RAB35: variants seen among roughly 807,000 people sequenced by gnomAD.
RAB35 encodes RAB35, member RAS oncogene family, also known as ras-related protein Rab-35.
Under a neutral mutation model 28.9 loss-of-function variants are expected in RAB35, and 4 were observed. That is an observed-to-expected ratio of 0.14 (90% CI 0.07 to 0.32). The LOEUF is 0.32. RAB35 is among the 10% of genes least tolerant of loss of function. The pLI is 1.00. For missense variants in RAB35, 128 were observed against 274.0 expected, an observed-to-expected ratio of 0.47 and a Z score of 3.76; for synonymous variants, 99 against 105.1, an observed-to-expected ratio of 0.94 and a Z score of 0.35.
chr12:120,108,853 A>G, intron 1 of RAB35: 3 of 378,488 alleles, frequency 7.9e-6, no homozygotes, highest in South Asian at 6.2e-5. Flanking sequence ...AAAAGTGCAC[A>G]GCACGTTGTA....
intron 1 of RAB35, among the ~76,000 whole-genome samples, chr12:120,113,797 G>A (rs534402884): frequency 2.0e-5 from 3 of 147,590 alleles, no homozygotes; most frequent in East Asian, 2.1e-4. Flanking sequence ...CAGCCTGGGC[G>A]ACAGAGCGAG....
intron 3 of RAB35, among the ~76,000 whole-genome samples, chr12:120,101,546 C>T (rs1246098018): frequency 1.3e-5 from 2 of 152,246 alleles, no homozygotes; most frequent in Non-Finnish European, 2.9e-5. Flanking sequence ...AAAAAAGTCA[C>T]GCTACTGCAT....
In RAB35 at chr12:120,095,489, A is replaced by AGGAGCCCCAGGCACC. The variant is rs1875339674; in HGVS notation, c.*1741_*1755dup. ...CAGCATGCCCCCCGCCCACCGGCACAGGAGCCCCAGGCACCGTGCATCCTC... is the reference window on the plus strand; with the variant it reads ...CAGCATGCCCCCCGCCCACCGGCACAGGAGCCCCAGGCACCGGAGCCCCAGGCACCGTGCATCCTC... On this transcript the variant is annotated 3_prime_UTR_variant, in exon 6 of 6. Transcript: ENST00000229340. The AGGAGCCCCAGGCACC allele has an allele frequency of 1.3e-5, 2 of 149,588 alleles. No homozygotes were observed. Among genetic ancestry groups the AGGAGCCCCAGGCACC allele is most frequent in the Admixed American group, 1.3e-4 (2 of 14,960 alleles). The allele number at this position is 149,588 out of a possible 1,614,324, so 9.3% of individuals were successfully genotyped here. A position where few individuals can be genotyped will look rare whatever the true frequency, so the allele number is the denominator to read the frequency against.
At position 120,097,086 on chromosome 12, in the gene RAB35, G is replaced by A. The variant is rs776182178; in HGVS notation, c.*159C>T. ...CCAACACCTTCTTGGCACTCGAGGA[G>A]GGCGGGGGAGGAAGTGCCGATGGCA... On this transcript the variant is annotated 3_prime_UTR_variant, in exon 6 of 6. Transcript: ENST00000229340. The A allele has an allele frequency of 2.6e-6, 4 of 1,564,148 alleles. No homozygotes were observed. Among genetic ancestry groups the A allele is most frequent in the South Asian group, 2.3e-5 (2 of 86,948 alleles).
chr12:120,114,125 T>C (rs1338726998), intron 1 of RAB35, among the ~76,000 whole-genome samples: 1 of 152,140 alleles, frequency 6.6e-6, no homozygotes, highest in African/African-American at 2.4e-5. Flanking sequence ...CGGAGTTTCA[T>C]TCTTGTCGCC....
Position 120,096,792 on chromosome 12 carries a change from T to C in RAB35, c.*453A>G. 2 of 1,291,056 alleles carry C rather than the reference T, an allele frequency of 1.5e-6. No individual in the cohort carries two copies. Among genetic ancestry groups the C allele is most frequent in the South Asian group, 1.2e-5 (1 of 81,052 alleles). 80.0% of individuals were successfully genotyped at this position (1,291,056 alleles called of 1,614,324 possible). A position where few individuals can be genotyped will look rare whatever the true frequency, so the allele number is the denominator to read the frequency against. On this transcript the variant is annotated 3_prime_UTR_variant, in exon 6 of 6. Coordinates refer to ENST00000229340, the MANE Select transcript of RAB35 (RefSeq NM_006861.7). Reference sequence around the variant, plus strand: ...CGGAGCCCACTCCACTGGCACGGGCTGGCCGCAGACGCAGCTAGAACGTGC... The same window carrying C: ...CGGAGCCCACTCCACTGGCACGGGCCGGCCGCAGACGCAGCTAGAACGTGC...
chr12:120,106,347 T>G (rs1450348058), intron 2 of RAB35, among the ~76,000 whole-genome samples: 1 of 152,236 alleles, frequency 6.6e-6, no homozygotes, highest in African/African-American at 2.4e-5. Flanking sequence ...TCCCAGGCAC[T>G]GCAACCTGCA....
chr12:120,105,783 C>T (rs1466810206), intron 2 of RAB35, among the ~76,000 whole-genome samples: 1 of 152,106 alleles, frequency 6.6e-6, no homozygotes, highest in Admixed American at 6.5e-5. Context: ...ATTAGCCAGG[C>T]GTGGTGGCGG....
intron 5 of RAB35, among the ~76,000 whole-genome samples, chr12:120,098,179 C>T (rs1049218737): frequency 1.3e-5 from 2 of 152,234 alleles, no homozygotes; most frequent in Admixed American, 1.3e-4. Context: ...CCGGCGCGCC[C>T]GGCCCAGCTG....
At chr12:120,107,535 T>A (rs549819615) in intron 2 of RAB35, among the ~76,000 whole-genome samples, 1 of 152,218 alleles carries the variant, frequency 6.6e-6, no homozygotes, top group East Asian at 1.9e-4. Flanking sequence ...ATACACCCTG[T>A]AAGCCAGTAA....
chr12:120,096,488 C>A lies in RAB35; in HGVS notation c.*757G>T. 2.3e-6 allele frequency: 3 copies of A among 1,289,810 alleles called. No homozygotes were observed. In the South Asian group the frequency reaches 3.7e-5, roughly 16 times the overall value. The allele number at this position is 1,289,810 out of a possible 1,614,324, so 79.9% of individuals were successfully genotyped here. On this transcript the variant is annotated 3_prime_UTR_variant, in exon 6 of 6. Transcript: ENST00000229340. ...ACCTACCCCGACCTTTCTGTTGGAA[C>A]TGAAACCTGTTGGTGTAAATGAGAA...
intron 1 of RAB35, among the ~76,000 whole-genome samples, chr12:120,113,201 T>G (rs1282927953): frequency 6.6e-6 from 1 of 150,916 alleles, no homozygotes; most frequent in Admixed American, 6.6e-5. Flanking sequence ...CTTTTTTTTT[T>G]TTTTTTTTTA....
In RAB35 at chr12:120,096,323, C is replaced by T. The variant is rs1875387710; in HGVS notation, c.*922G>A. On this transcript the variant is annotated 3_prime_UTR_variant, in exon 6 of 6. Coordinates refer to ENST00000229340, the MANE Select transcript of RAB35 (RefSeq NM_006861.7). Reference sequence around the variant, plus strand: ...ACAGTGGACACAAGTGGGGTGGCCTCAACTTTTGCTGCTGTGCCAATCAAA... The same window carrying T: ...ACAGTGGACACAAGTGGGGTGGCCTTAACTTTTGCTGCTGTGCCAATCAAA... The T allele has an allele frequency of 1.0e-6, 1 of 953,126 alleles. No homozygotes were observed. Among genetic ancestry groups the T allele is most frequent in the Non-Finnish European group, 1.4e-6 (1 of 720,206 alleles). 59.0% of individuals were successfully genotyped at this position (953,126 alleles called of 1,614,324 possible). A position where few individuals can be genotyped will look rare whatever the true frequency, so the allele number is the denominator to read the frequency against.
In RAB35 at chr12:120,096,667, C is replaced by T; in HGVS notation, c.*578G>A. On this transcript the variant is annotated 3_prime_UTR_variant, in exon 6 of 6. Coordinates refer to ENST00000229340, the MANE Select transcript of RAB35 (RefSeq NM_006861.7). ...TCCCAGAATGGCTGTGGGGACAGGA[C>T]AACGGGGAGGGAAGGGAGCTGGCAC... 1 of 1,289,764 alleles carries T rather than the reference C, an allele frequency of 7.8e-7. No individual in the cohort carries two copies. 79.9% of individuals were successfully genotyped at this position (1,289,764 alleles called of 1,614,324 possible).
At chr12:120,106,404 T>C (rs1322876529) in intron 2 of RAB35, among the ~76,000 whole-genome samples, 2 of 152,180 alleles carry the variant, frequency 1.3e-5, no homozygotes, top group Non-Finnish European at 2.9e-5. Context: ...AGGACCATTA[T>C]GATTTCTACT....
At chr12:120,111,672 C>T (rs1022206550) in intron 1 of RAB35, among the ~76,000 whole-genome samples, 1 of 151,208 alleles carries the variant, frequency 6.6e-6, no homozygotes, top group Admixed American at 6.6e-5. Flanking sequence ...CAGAGCGAGA[C>T]TCCATCTCAA....
chr12:120,104,499 C>A (rs1875790465), intron 2 of RAB35, among the ~76,000 whole-genome samples: 1 of 152,184 alleles, frequency 6.6e-6, no homozygotes, highest in African/African-American at 2.4e-5. Context: ...CAGAAAGTGG[C>A]GAGGCCAGAT....
intron 1 of RAB35, among the ~76,000 whole-genome samples, chr12:120,111,943 G>A (rs1876134389): frequency 6.6e-6 from 1 of 151,476 alleles, no homozygotes; most frequent in Admixed American, 6.6e-5. Context: ...GGCTGCCCAA[G>A]GGCACATCAG....
intron 1 of RAB35, among the ~76,000 whole-genome samples, chr12:120,112,406 C>A (rs1876155062): frequency 6.6e-6 from 1 of 152,086 alleles, no homozygotes; most frequent in South Asian, 2.1e-4. Context: ...TTGAAGAGCC[C>A]TGACCTTTCA....
Sources: gnomAD v4.1 joint callset for allele counts (sites outside exome capture counted in the v4.1 genomes callset) on GRCh38, gnomAD v4.1.1 for gene constraint, MANE v1.5 for transcripts, NCBI Gene and HGNC (gene_info 2026-07-23, HGNC 2026-07-21) for gene names.